Variants in HLCS observed in about 807,000 individuals in gnomAD.
The protein encoded by HLCS is biotin--protein ligase.
HLCS carries 53 observed loss-of-function variants against 75.0 expected under a neutral mutation model. The ratio of observed to expected loss-of-function variants is 0.71; its 90% confidence interval spans 0.57 to 0.89. The LOEUF (loss-of-function observed/expected upper bound fraction) is 0.89, where lower values mean the gene tolerates loss of function less well. Ranked by LOEUF, HLCS falls within the 40% of genes least tolerant of loss-of-function variation. The pLI, the probability that HLCS is intolerant of heterozygous loss-of-function variation, is 0.00. For missense variants in HLCS, 966 were observed against 1,074.0 expected (o/e 0.90, Z 1.41); for synonymous variants, 431 against 428.6 (o/e 1.01, Z -0.07).
At position 36,930,417 on chromosome 21, in the gene HLCS, G is replaced by A; in HGVS notation, c.1454C>T (p.Pro485Leu). 6.2e-7 allele frequency: 1 copy of A among 1,614,088 alleles called. No homozygotes were observed. The highest frequency in any genetic ancestry group is 8.5e-7 in the Non-Finnish European group (1 of 1,179,964). Reference protein sequence around the residue: ...AVLCQVHLELPPSSNIVQTPE... With the variant: ...AVLCQVHLELLPSSNIVQTPE... Reference sequence around the variant, plus strand: ...AGTTTGCACTATGTTGGAGCTGGGAGGTAGTTCTAAGTGCACCTGAAGGGG... The same window carrying A: ...AGTTTGCACTATGTTGGAGCTGGGAAGTAGTTCTAAGTGCACCTGAAGGGG... The change falls in exon 5 of 11, where the codon CCT (proline) becomes CTT (leucine). Residue 485 changes from proline (P) to leucine (L), a missense_variant. Coordinates refer to ENST00000674895, the MANE Select transcript of HLCS (RefSeq NM_001352514.2).
chr21:36,967,508 A>C (rs1385491792), upstream of HLCS, among the ~76,000 whole-genome samples: 1 of 152,198 alleles, frequency 6.6e-6, no homozygotes, highest in Non-Finnish European at 1.5e-5. Context: ...TCTTGTCTCC[A>C]AGGGAAGCAT....
At chr21:36,948,019 C>A in intron 2 of HLCS, 1 of 983,248 alleles carries the variant, frequency 1.0e-6, no homozygotes, top group Non-Finnish European at 1.2e-6. Flanking sequence ...GGGCCAGGCG[C>A]GGTGGCTCAC....
At chr21:36,775,333 G>A (rs920932302) in intron 6 of HLCS, among the ~76,000 whole-genome samples, 2 of 152,210 alleles carry the variant, frequency 1.3e-5, no homozygotes, top group Admixed American at 6.5e-5. Flanking sequence ...ATTTACTAAT[G>A]TTGGTCTGTA....
chr21:36,914,686 T>C (rs557926508), intron 5 of HLCS, among the ~76,000 whole-genome samples: 1 of 152,342 alleles, frequency 6.6e-6, no homozygotes, highest in South Asian at 2.1e-4. Flanking sequence ...CGGAATCTAT[T>C]CTGCAAGTGC....
chr21:36,948,000 G>A (rs2067483972), intron 2 of HLCS: 6 of 985,330 alleles, frequency 6.1e-6, no homozygotes, highest in Non-Finnish European at 7.2e-6. Flanking sequence ...TAAAGAATTT[G>A]AAAATACAGG....
chr21:36,961,030 T>C (rs193052305), intron 2 of HLCS, among the ~76,000 whole-genome samples: 58 of 152,260 alleles, frequency 3.8e-4, no homozygotes, highest in Non-Finnish European at 7.4e-4. Flanking sequence ...GGAGAGGAGC[T>C]AACAATTTAG....
At chr21:36,890,359 T>A (rs1601643125) in intron 6 of HLCS, among the ~76,000 whole-genome samples, 1 of 152,126 alleles carries the variant, frequency 6.6e-6, no homozygotes, top group Non-Finnish European at 1.5e-5. Flanking sequence ...GGATAAAGGA[T>A]GAAATCACGT....
chr21:36,981,985 C>T (rs890679703), intron 1 of HLCS, among the ~76,000 whole-genome samples: 6 of 152,062 alleles, frequency 3.9e-5, no homozygotes, highest in African/African-American at 9.7e-5. Context: ...TGCAGAATAG[C>T]CCTACCACAA....
intron 6 of HLCS, among the ~76,000 whole-genome samples, chr21:36,853,460 A>G (rs186690627): frequency 6.6e-6 from 1 of 152,360 alleles, no homozygotes; most frequent in Non-Finnish European, 1.5e-5. Context: ...GGTTTTTATA[A>G]CAGTATGTTT....
chr21:36,902,404 A>T (rs2065272478), intron 5 of HLCS, among the ~76,000 whole-genome samples: 1 of 152,192 alleles, frequency 6.6e-6, no homozygotes, highest in Non-Finnish European at 1.5e-5. Flanking sequence ...CAGCTCACCC[A>T]TAGGGATGGG....
intron 6 of HLCS, among the ~76,000 whole-genome samples, chr21:36,790,919 C>T (rs185676694): frequency 2.0e-5 from 3 of 152,284 alleles, no homozygotes; most frequent in African/African-American, 7.2e-5. Flanking sequence ...ACCATTTTGT[C>T]CATCTGTGTT....
intron 6 of HLCS, among the ~76,000 whole-genome samples, chr21:36,779,020 G>A (rs1601206633): frequency 6.6e-6 from 1 of 151,822 alleles, no homozygotes; most frequent in African/African-American, 2.4e-5. Context: ...GGCTAAGAAA[G>A]AGATAGAAAA....
intron 6 of HLCS, among the ~76,000 whole-genome samples, chr21:36,820,584 C>T (rs2061807772): frequency 6.6e-6 from 1 of 152,272 alleles, no homozygotes; most frequent in African/African-American, 2.4e-5. Context: ...CAGCCCCCTG[C>T]TGCCTCAGTC....
At chr21:36,846,803 A>T (rs1020237772) in intron 6 of HLCS, among the ~76,000 whole-genome samples, 2 of 152,190 alleles carry the variant, frequency 1.3e-5, no homozygotes, top group South Asian at 4.1e-4. Flanking sequence ...CAACTGCTAA[A>T]TCTGAAGGCA....
intron 6 of HLCS, among the ~76,000 whole-genome samples, chr21:36,776,325 C>G (rs1463209362): frequency 6.6e-6 from 1 of 152,102 alleles, no homozygotes; most frequent in Non-Finnish European, 1.5e-5. Context: ...TTCCTATATG[C>G]GTCTGTGTAG....
At chr21:36,946,333 C>CTGG (rs1463172272) in intron 2 of HLCS, among the ~76,000 whole-genome samples, 1 of 152,138 alleles carries the variant, frequency 6.6e-6, no homozygotes, top group East Asian at 1.9e-4. Flanking sequence ...CCTCGACTTC[C>CTGG]TGGGCTCCAG....
intron 6 of HLCS, among the ~76,000 whole-genome samples, chr21:36,882,750 C>T (rs538185382): frequency 4.6e-5 from 7 of 151,842 alleles, no homozygotes; most frequent in South Asian, 2.1e-4. Flanking sequence ...TGTGAGCCAC[C>T]GTGCCCGGCC....
chr21:36,813,694 C>T (rs984951000), intron 6 of HLCS, among the ~76,000 whole-genome samples: 3 of 152,148 alleles, frequency 2.0e-5, no homozygotes, highest in African/African-American at 4.8e-5. Context: ...CAAAGAGTCA[C>T]GGCAAATGTT....
At chr21:36,962,344 T>G (rs1479794864) in intron 1 of HLCS, among the ~76,000 whole-genome samples, 174 bp from the exon 2 acceptor site, 6 of 152,330 alleles carry the variant, frequency 3.9e-5, no homozygotes, top group African/African-American at 1.4e-4. Flanking sequence ...TAGCTGTGAC[T>G]GTTTAAGCAC....
Sources: allele counts gnomAD v4.1 joint callset (sites outside exome capture counted in the v4.1 genomes callset), GRCh38; gene constraint gnomAD v4.1.1; transcripts MANE v1.5; gene names NCBI Gene and HGNC (gene_info 2026-07-23, HGNC 2026-07-21).